KDM5B: variants seen among roughly 807,000 people sequenced by gnomAD.
KDM5B encodes the protein lysine-specific demethylase 5B.
A neutral mutation model predicts 193.4 loss-of-function variants in KDM5B; 144 were observed. The ratio of observed to expected loss-of-function variants is 0.74; its 90% CI spans 0.65 to 0.86. The LOEUF is 0.86. Ranked by LOEUF, KDM5B falls within the 40% of genes least tolerant of loss-of-function variation. The pLI is 0.00. For missense variants in KDM5B, 1,833 were observed against 1,886.9 expected (o/e 0.97, Z 0.53); for synonymous variants, 668 against 682.6 (o/e 0.98, Z 0.33).
chr1:202,776,250 T>G (rs1371203444), intron 2 of KDM5B: 2 of 151,924 alleles, frequency 1.3e-5, no homozygotes. Flanking sequence ...AAAATTTTAA[T>G]TGACTTTTTT....
chr1:202,737,613 T>C (rs1018959176), intron 20 of KDM5B, among the ~76,000 whole-genome samples: 5 of 152,180 alleles, frequency 3.3e-5, no homozygotes, highest in African/African-American at 7.2e-5. Context: ...ATTAAAAAAA[T>C]GTTTAACTTG....
In KDM5B at chr1:202,764,686, G is replaced by A. The variant is rs181022349; in HGVS notation, c.712-541C>T. Among the ~76,000 whole-genome samples, 764 of 152,142 alleles carry A rather than the reference G, an allele frequency of 5.0e-3. 5 individuals carry two copies. Among genetic ancestry groups the A allele is most frequent in the Non-Finnish European group, 6.5e-3 (443 of 67,962 alleles). ...AAATAGGGAAAAGTCAAAGGATCAA[G>A]AACAAATTGTGGCTGGGCGAGGTGC... On this transcript the variant is annotated intron_variant, in intron 5 of 26. Transcript: ENST00000367265.
At chr1:202,770,762 G>C (rs570603563) in intron 4 of KDM5B, among the ~76,000 whole-genome samples, 1 of 152,304 alleles carries the variant, frequency 6.6e-6, no homozygotes, top group South Asian at 2.1e-4. Flanking sequence ...ATAGCCGTGA[G>C]AGAAGTAACA....
rs1445403260 is a variant in KDM5B, at chr1:202,767,075, T to C, written c.577-15A>G. On this transcript the variant is annotated splice_polypyrimidine_tract_variant and intron_variant, in intron 4 of 26. Transcript: ENST00000367265. ...TTCTGCAAACACTAGAAATAACAAC[T>C]GTACTGATAAATTCCCTCCTTTTTT... The C allele has an allele frequency of 6.2e-7, 1 of 1,607,752 alleles. No individual in the cohort carries two copies. The highest frequency in any genetic ancestry group is 1.7e-4 in the Middle Eastern group (1 of 6,014).
In KDM5B at chr1:202,725,849, T is replaced by C. The variant is rs4950790; in HGVS notation, c.*3187A>G. ...CATCTGGAATCCATTCCGGTATGTG[T>C]CATATGGCAAGAAACATAGGCAAGA... is the stretch of plus-strand genomic sequence containing the variant. On this transcript the variant is annotated 3_prime_UTR_variant, in exon 27 of 27. Transcript: ENST00000367265. The C allele has an allele frequency of 0.78, 118,021 of 152,198 alleles. 46,948 individuals carry two copies. The highest frequency in any genetic ancestry group is 0.86 in the Admixed American group (13,200 of 15,298). The allele number at this position is 152,198 out of a possible 1,614,324, so 9.4% of individuals were successfully genotyped here. A position where few individuals can be genotyped will look rare whatever the true frequency, so the allele number is the denominator to read the frequency against.
At chr1:202,772,707 T>C (rs1656769593) in intron 4 of KDM5B, among the ~76,000 whole-genome samples, 1 of 151,948 alleles carries the variant, frequency 6.6e-6, no homozygotes, top group Non-Finnish European at 1.5e-5. Context: ...TTTTTTTTTT[T>C]CAGACGGAGT....
rs1272306100 is a variant in KDM5B, at chr1:202,784,103, A to G, written c.205-7009T>C. Among the ~76,000 whole-genome samples the G allele has an allele frequency of 5.3e-5, 8 of 152,338 alleles. No individual in the cohort carries two copies. The East Asian group carries it at 1.3e-3, about 26-fold the overall frequency. On this transcript the variant is annotated intron_variant, in intron 1 of 26. Transcript: ENST00000367265. The stretch of plus-strand genomic sequence containing the variant: ...AACCACTGTGAGAACAACTTTCAAA[A>G]GATGCTGAAGATTTTTCCAAAAAAT...
intron 1 of KDM5B, among the ~76,000 whole-genome samples, chr1:202,805,479 G>A (rs1402745290): frequency 6.6e-6 from 1 of 152,100 alleles, no homozygotes; most frequent in Non-Finnish European, 1.5e-5. Flanking sequence ...ACAAAGGTAA[G>A]AACAAAAGGA....
chr1:202,741,296 C>A, intron 19 of KDM5B, 71 bp downstream of exon 19: 2 of 1,106,046 alleles, frequency 1.8e-6, no homozygotes, highest in Non-Finnish European at 2.6e-6. Flanking sequence ...ATAGACCAAT[C>A]ATTGTGCTCT....
chr1:202,732,043 A>AG (rs1654906350), intron 23 of KDM5B, 104 bp from the exon 24 acceptor site: 1 of 251,482 alleles, frequency 4.0e-6, no homozygotes. Flanking sequence ...CAACCAGGGG[A>AG]AAAAAAAAAA....
chr1:202,761,946 T>C (rs1656265938), intron 7 of KDM5B, among the ~76,000 whole-genome samples: 1 of 151,986 alleles, frequency 6.6e-6, no homozygotes, highest in Non-Finnish European at 1.5e-5. Flanking sequence ...CTGTCAGTTT[T>C]CTGATTGTAT....
At chr1:202,735,610 C>A in intron 21 of KDM5B, 23 bp from the exon 22 acceptor site, 1 of 1,603,758 alleles carries the variant, frequency 6.2e-7, no homozygotes, top group Non-Finnish European at 8.5e-7. Flanking sequence ...AAGGCACAAC[C>A]AATGGTAAAA....
At chr1:202,743,625 T>C (rs1024169346) in intron 16 of KDM5B, among the ~76,000 whole-genome samples, 1 of 152,002 alleles carries the variant, frequency 6.6e-6, no homozygotes, top group African/African-American at 2.4e-5. Context: ...GAAAGAGAAA[T>C]GGACTGGTAC....
chr1:202,787,580 T>C (rs981807554), intron 1 of KDM5B, among the ~76,000 whole-genome samples: 4 of 152,204 alleles, frequency 2.6e-5, no homozygotes, highest in Admixed American at 2.6e-4. Context: ...TGTGGTATAT[T>C]GTTTCGGTTA....
chr1:202,733,560 A>G lies in KDM5B; in HGVS notation c.3750T>C (p.Asp1250=). The stretch of plus-strand genomic sequence containing the variant: ...TTCTTTCAATCATATATCGAAGTGC[A>G]TCTCCCTCAGGAAGGCGAACTCGGA... The part of the protein sequence containing the change: ...QRIRVRLPEG[D]ALRYMIERTV... The change falls in exon 23 of 27, where the codon GAT becomes GAC. Residue 1250 remains aspartate (D), a synonymous_variant. Coordinates refer to ENST00000367265, the MANE Select transcript of KDM5B (RefSeq NM_006618.5). The G allele has an allele frequency of 1.2e-6, 2 of 1,614,152 alleles. No individual in the cohort carries two copies. The highest frequency in any genetic ancestry group is 1.7e-6 in the Non-Finnish European group (2 of 1,180,012).
chr1:202,734,208 A>G (rs2102217191), intron 22 of KDM5B, among the ~76,000 whole-genome samples: 1 of 151,618 alleles, frequency 6.6e-6, no homozygotes, highest in South Asian at 2.1e-4. Context: ...ACCATTTCCA[A>G]TCACCACATC....
chr1:202,784,175 A>G (rs1370270180), intron 1 of KDM5B, among the ~76,000 whole-genome samples: 2 of 152,334 alleles, frequency 1.3e-5, no homozygotes, highest in Middle Eastern at 3.4e-3. Flanking sequence ...ACATCCACAT[A>G]TTTAATATAT....
chr1:202,732,459 ACATCC>A (rs1654921674), intron 23 of KDM5B, among the ~76,000 whole-genome samples: 2 of 152,216 alleles, frequency 1.3e-5, no homozygotes, highest in Non-Finnish European at 2.9e-5. Context: ...AACTCCTAGC[ACATCC>A]TGGGTAAAGA....
intron 14 of KDM5B, among the ~76,000 whole-genome samples, chr1:202,747,112 T>C (rs962429508): frequency 6.6e-6 from 1 of 152,188 alleles, no homozygotes; most frequent in Admixed American, 6.5e-5. Context: ...CTGGGCTTCT[T>C]TCTTTTATTC....
Sources: allele counts gnomAD v4.1 joint callset (sites outside exome capture counted in the v4.1 genomes callset), GRCh38; gene constraint gnomAD v4.1.1; transcripts MANE v1.5; gene names NCBI Gene and HGNC (gene_info 2026-07-23, HGNC 2026-07-21).